The following CDKAL1 variants were observed in gnomAD, a reference collection of about 807,000 sequenced individuals.
CDKAL1 encodes the protein threonylcarbamoyladenosine tRNA methylthiotransferase.
In CDKAL1, 32 loss-of-function variants were observed where a neutral mutation model predicts 68.2. The ratio of observed to expected loss-of-function variants is 0.47; its 90% CI spans 0.35 to 0.63. CDKAL1 has a LOEUF of 0.63. Ranked by LOEUF, CDKAL1 falls within the 30% of genes least tolerant of loss-of-function variation. CDKAL1 has a pLI of 0.00. For missense variants in CDKAL1, 606 were observed against 696.7 expected, an observed-to-expected ratio of 0.87 and a Z score of 1.47; for synonymous variants, 234 against 244.3, an observed-to-expected ratio of 0.96 and a Z score of 0.39.
chr6:21,019,053 A>G (rs1287178791), intron 11 of CDKAL1, among the ~76,000 whole-genome samples: 4 of 152,142 alleles, frequency 2.6e-5, no homozygotes, highest in Non-Finnish European at 4.4e-5. Context: ...CGTTCAAGCA[A>G]TTCTCCTGCC....
intron 11 of CDKAL1, among the ~76,000 whole-genome samples, chr6:21,045,699 T>C (rs1005699320): frequency 6.6e-6 from 1 of 152,224 alleles, no homozygotes; most frequent in African/African-American, 2.4e-5. Flanking sequence ...TTTTCTACTG[T>C]AAACTAGCTC....
At chr6:21,127,561 C>T (rs1775081275) in intron 13 of CDKAL1, among the ~76,000 whole-genome samples, 1 of 152,098 alleles carries the variant, frequency 6.6e-6, no homozygotes, top group Admixed American at 6.5e-5. Flanking sequence ...ACCAGCCTGG[C>T]CAACATGTTG....
intron 9 of CDKAL1, among the ~76,000 whole-genome samples, chr6:20,923,249 C>T (rs181159818): frequency 2.6e-5 from 4 of 152,188 alleles, no homozygotes; most frequent in Admixed American, 2.6e-4. Flanking sequence ...ACAGGTATAC[C>T]TCCTTTTATT....
Position 21,098,390 on chromosome 6 carries a change from A to C in CDKAL1, c.1237-10011A>C, listed in dbSNP as rs147128308. Among the ~76,000 whole-genome samples the C allele has an allele frequency of 7.0e-3, 1,072 of 152,250 alleles. 10 individuals are homozygous for C. Among genetic ancestry groups the C allele is most frequent in the Middle Eastern group, 0.034 (10 of 294 alleles). On this transcript the variant is annotated intron_variant, in intron 12 of 15. Transcript: ENST00000274695. ...GAAGGACAAAGCAATGTGGAAGCTC[A>C]GGTTACTGACAAGAAATAGATTGAA...
chr6:21,061,573 GT>G (rs1274963997), intron 11 of CDKAL1, among the ~76,000 whole-genome samples: 1 of 152,114 alleles, frequency 6.6e-6, no homozygotes, highest in African/African-American at 2.4e-5. Flanking sequence ...TTAATATTCT[GT>G]TTTATACCCC....
chr6:20,620,152 A>G (rs1298994762), intron 4 of CDKAL1, among the ~76,000 whole-genome samples: 2 of 152,200 alleles, frequency 1.3e-5, no homozygotes, highest in Non-Finnish European at 2.9e-5. Flanking sequence ...TGAAAGCCTT[A>G]TTTTCCACAT....
chr6:21,095,060 T>C (rs1773249936), intron 12 of CDKAL1, among the ~76,000 whole-genome samples: 1 of 152,082 alleles, frequency 6.6e-6, no homozygotes, highest in South Asian at 2.1e-4. Context: ...GTATACGCAA[T>C]AAGTGGATGG....
intron 12 of CDKAL1, among the ~76,000 whole-genome samples, chr6:21,065,503 A>G (rs1411109641): frequency 6.6e-6 from 1 of 152,078 alleles, no homozygotes; most frequent in Non-Finnish European, 1.5e-5. Context: ...ACCTGTGTGT[A>G]GAAGATAAAC....
chr6:21,035,291 C>A (rs1769513530), intron 11 of CDKAL1, among the ~76,000 whole-genome samples: 1 of 152,094 alleles, frequency 6.6e-6, no homozygotes, highest in Admixed American at 6.6e-5. Flanking sequence ...CCCTCAAATT[C>A]TCTTTATAGG....
chr6:21,129,811 T>C lies in CDKAL1; in HGVS notation c.1299+21348T>C, dbSNP rs193011989. 1.8e-3 allele frequency among the ~76,000 whole-genome samples: 280 copies of C among 152,268 alleles called. 1 individual carries two copies. The highest frequency in any genetic ancestry group is 3.5e-3 in the South Asian group (17 of 4,816). ...TTGATGGTAGATAGCTTTTTAAGTT[T>C]GTCCCTTAAATAATCAAAGTAATAG... On this transcript the variant is annotated intron_variant, in intron 13 of 15. Coordinates refer to ENST00000274695, the MANE Select transcript of CDKAL1 (RefSeq NM_017774.3).
chr6:20,631,220 C>T (rs897862820), intron 4 of CDKAL1, among the ~76,000 whole-genome samples: 1 of 152,172 alleles, frequency 6.6e-6, no homozygotes, highest in African/African-American at 2.4e-5. Flanking sequence ...CTCTGGTGTA[C>T]AACTGTCCTC....
chr6:20,559,263 A>G (rs976804395), intron 4 of CDKAL1: 2 of 152,158 alleles, frequency 1.3e-5, no homozygotes, highest in Non-Finnish European at 2.9e-5. Context: ...GTTAACATGT[A>G]TGGTTGATTA....
intron 11 of CDKAL1, among the ~76,000 whole-genome samples, chr6:21,022,456 G>A (rs571836603): frequency 6.6e-6 from 1 of 152,260 alleles, no homozygotes; most frequent in South Asian, 2.1e-4. Flanking sequence ...ATAGATTGTG[G>A]CAGGAACTCA....
In CDKAL1 at chr6:21,108,274, A is replaced by C. The variant is rs546341008; in HGVS notation, c.1237-127A>C. On this transcript the variant is annotated intron_variant, in intron 12 of 15. Transcript: ENST00000274695. ...TCTTCTCAGCCTCCACAAAGGAAGA[A>C]TCTCTTAAAAAAAAAAAAAAAAAAC... is the stretch of plus-strand genomic sequence containing the variant. 2.9e-4 allele frequency: 172 copies of C among 586,118 alleles called. 3 individuals carry two copies. The South Asian group carries it at 3.4e-3, about 12-fold the overall frequency. 36.3% of individuals were successfully genotyped at this position (586,118 alleles called of 1,614,324 possible).
At chr6:21,076,554 T>C (rs1582149324) in intron 12 of CDKAL1, among the ~76,000 whole-genome samples, 1 of 152,224 alleles carries the variant, frequency 6.6e-6, no homozygotes. Flanking sequence ...ATCTTTTAGC[T>C]TACTCGATAA....
chr6:20,822,924 TACAC>T (rs1209254223), intron 8 of CDKAL1, among the ~76,000 whole-genome samples: 1 of 152,150 alleles, frequency 6.6e-6, no homozygotes, highest in Non-Finnish European at 1.5e-5. Context: ...AATGTACAAA[TACAC>T]TCAGTGTGTT....
At chr6:20,658,137 A>G (rs1443984399) in intron 5 of CDKAL1, among the ~76,000 whole-genome samples, 2 of 152,224 alleles carry the variant, frequency 1.3e-5, no homozygotes, top group Non-Finnish European at 2.9e-5. Context: ...CATGCCACCT[A>G]CAGGAGGTCA....
At chr6:20,713,708 A>G (rs1227248926) in intron 5 of CDKAL1, among the ~76,000 whole-genome samples, 2 of 152,110 alleles carry the variant, frequency 1.3e-5, no homozygotes, top group African/African-American at 2.4e-5. Context: ...TTTTCTTGTT[A>G]AAAACAAAAC....
chr6:21,062,565 G>A (rs1771200583), intron 11 of CDKAL1, among the ~76,000 whole-genome samples: 1 of 152,280 alleles, frequency 6.6e-6, no homozygotes, highest in African/African-American at 2.4e-5. Context: ...TTATTCTTCT[G>A]TGTGGATATT....
Sources: allele counts gnomAD v4.1 joint callset (sites outside exome capture counted in the v4.1 genomes callset), GRCh38; gene constraint gnomAD v4.1.1; transcripts MANE v1.5; gene names NCBI Gene and HGNC (gene_info 2026-07-23, HGNC 2026-07-21).